The following SPEF2 variants were observed in gnomAD, a reference collection of about 807,000 sequenced individuals.
The protein encoded by SPEF2 is sperm flagella and cilia-associated protein 2.
Under a neutral mutation model 224.6 loss-of-function variants are expected in SPEF2, and 187 were observed. The observed-to-expected ratio is 0.83, with a 90% confidence interval of 0.74 to 0.94. The LOEUF is 0.94. SPEF2 is among the 40% of genes least tolerant of loss of function. SPEF2 has a pLI of 0.00. For missense variants in SPEF2, 2,170 were observed against 2,135.6 expected (o/e 1.02, Z -0.32); for synonymous variants, 715 against 707.3 (o/e 1.01, Z -0.17).
At chr5:35,722,453 A>G (rs796604741) in intron 20 of SPEF2, among the ~76,000 whole-genome samples, 10 of 63,570 alleles carry the variant, frequency 1.6e-4, no homozygotes, top group African/African-American at 4.0e-4. Context: ...CAACAGTGAG[A>G]GGTTTTTTTT....
intron 9 of SPEF2, among the ~76,000 whole-genome samples, chr5:35,667,646 A>G (rs1265542906): frequency 6.6e-6 from 1 of 152,182 alleles, no homozygotes; most frequent in Non-Finnish European, 1.5e-5. Context: ...CATTAAAATT[A>G]AAAATTTTTG....
chr5:35,742,372 T>A (rs2149697178), intron 23 of SPEF2, among the ~76,000 whole-genome samples: 1 of 152,224 alleles, frequency 6.6e-6, no homozygotes, highest in South Asian at 2.1e-4. Context: ...TGCTTATTTT[T>A]AAGGTTTTTA....
At chr5:35,807,604 G>A in intron 36 of SPEF2, 1 of 1,517,378 alleles carries the variant, frequency 6.6e-7, no homozygotes, top group Non-Finnish European at 8.9e-7. Flanking sequence ...CTCCAGCCAA[G>A]TGCTGACATA....
intron 24 of SPEF2, among the ~76,000 whole-genome samples, chr5:35,756,696 G>A (rs748699654): frequency 6.6e-5 from 10 of 152,132 alleles, no homozygotes; most frequent in Non-Finnish European, 1.2e-4. Context: ...AGCGGGTTCC[G>A]TAGACATTAG....
intron 8 of SPEF2, among the ~76,000 whole-genome samples, chr5:35,661,155 A>T (rs139571815): frequency 6.6e-6 from 1 of 150,954 alleles, no homozygotes; most frequent in Non-Finnish European, 1.5e-5. Context: ...TCTTCTTTCC[A>T]GTATCATTCA....
At chr5:35,787,703 G>A (rs773389650) in intron 30 of SPEF2, among the ~76,000 whole-genome samples, 1 of 152,162 alleles carries the variant, frequency 6.6e-6, no homozygotes, top group Non-Finnish European at 1.5e-5. Context: ...TGAGGATTCT[G>A]TGATATAAAC....
chr5:35,637,282 G>A (rs145260358), intron 2 of SPEF2, among the ~76,000 whole-genome samples: 6 of 152,252 alleles, frequency 3.9e-5, no homozygotes, highest in African/African-American at 7.2e-5. Context: ...GTTATGAAAA[G>A]GTTGATTTTT....
At chr5:35,644,031 A>G (rs897016384) in intron 3 of SPEF2, among the ~76,000 whole-genome samples, 1 of 152,146 alleles carries the variant, frequency 6.6e-6, no homozygotes, top group African/African-American at 2.4e-5. Context: ...GTTTAATGAA[A>G]TTATTTTTGC....
At chr5:35,691,790 T>G (rs185224130) in intron 11 of SPEF2, among the ~76,000 whole-genome samples, 2 of 152,270 alleles carry the variant, frequency 1.3e-5, no homozygotes, top group Admixed American at 1.3e-4. Context: ...ATCTTTGTTT[T>G]ATTTTTATTT....
Position 35,670,054 on chromosome 5 carries a change from G to T in SPEF2, c.1356-5G>T. 4 of 1,573,896 alleles carry T rather than the reference G, an allele frequency of 2.5e-6. No homozygotes were observed. Among genetic ancestry groups the T allele is most frequent in the East Asian group, 2.3e-5 (1 of 43,138 alleles). ...ATTCATCTCTACCTTTTTTTTGTGC[G>T]ATAGTCTGATTCCGTATAAGTTGAT... On this transcript the variant is annotated splice_region_variant and splice_polypyrimidine_tract_variant and intron_variant, in intron 9 of 36. Coordinates refer to ENST00000356031, the MANE Select transcript of SPEF2 (RefSeq NM_024867.4).
chr5:35,623,850 T>C (rs1743844922), intron 1 of SPEF2, among the ~76,000 whole-genome samples: 1 of 152,228 alleles, frequency 6.6e-6, no homozygotes, highest in Non-Finnish European at 1.5e-5. Flanking sequence ...ACAATAAAAA[T>C]AATCACTGAG....
At chr5:35,691,345 A>G in intron 11 of SPEF2, 89 bp downstream of exon 11, 1 of 1,006,688 alleles carries the variant, frequency 9.9e-7, no homozygotes, top group Non-Finnish European at 1.5e-6. Flanking sequence ...AAAACATACA[A>G]GAAGCACTGC....
rs111691682 is a variant in SPEF2 at position 35,712,722 on chromosome 5, A to G, written c.2840-90A>G. The G allele has an allele frequency of 4.2e-5, 53 of 1,275,708 alleles. No homozygotes were observed. The African/African-American group carries it at 5.6e-4, about 13-fold the overall frequency. 79.0% of individuals were successfully genotyped at this position (1,275,708 alleles called of 1,614,324 possible). On this transcript the variant is annotated intron_variant, in intron 19 of 36. Transcript: ENST00000356031. ...AGTTCACAAATGTAACTGTTTACCTATGGGAAATAGCATTAGCTTGCTTAC... is the reference window on the plus strand; with the variant it reads ...AGTTCACAAATGTAACTGTTTACCTGTGGGAAATAGCATTAGCTTGCTTAC...
At chr5:35,796,084 G>A (rs1756622110) in intron 33 of SPEF2, among the ~76,000 whole-genome samples, 1 of 152,200 alleles carries the variant, frequency 6.6e-6, no homozygotes, top group African/African-American at 2.4e-5. Context: ...AATAAGCTAA[G>A]TTTTAACACA....
chr5:35,644,321 T>C, intron 3 of SPEF2, 34 bp from the exon 4 acceptor site: 1 of 1,463,720 alleles, frequency 6.8e-7, no homozygotes, highest in Non-Finnish European at 9.1e-7. Flanking sequence ...CTTTATTCTC[T>C]AATAAAATCT....
intron 1 of SPEF2, among the ~76,000 whole-genome samples, chr5:35,620,291 C>A (rs1393230454): frequency 6.6e-6 from 1 of 152,082 alleles, no homozygotes; most frequent in African/African-American, 2.4e-5. Context: ...GTGGGTGCAA[C>A]CTCTGGGGAA....
At chr5:35,667,307 G>A (rs952468715) in intron 9 of SPEF2, 48 bp downstream of exon 9, 7 of 1,455,166 alleles carry the variant, frequency 4.8e-6, no homozygotes, top group Non-Finnish European at 6.6e-6. Context: ...AGAGAATGAG[G>A]AAGGATAAGA....
Position 35,788,910 on chromosome 5 carries a change from G to T in SPEF2, c.4448-3430G>T, listed in dbSNP as rs757807403. The T allele has an allele frequency of 1.1e-5, 8 of 702,810 alleles. No individual in the cohort carries two copies. The Admixed American group carries it at 1.4e-4, about 12-fold the overall frequency. The allele number at this position is 702,810 out of a possible 1,614,324, so 43.5% of individuals were successfully genotyped here. A position where few individuals can be genotyped will look rare whatever the true frequency, so the allele number is the denominator to read the frequency against. On this transcript the variant is annotated intron_variant, in intron 30 of 36. Transcript: ENST00000356031. ...AGTGCTCTGAGAACTGCTTTCAAAG[G>T]CCTTCACCTTCGACCTGTGATGCCT... is the stretch of plus-strand genomic sequence containing the variant.
chr5:35,692,889 A>C (rs774180784), intron 12 of SPEF2, among the ~76,000 whole-genome samples, 165 bp downstream of exon 12: 1 of 152,206 alleles, frequency 6.6e-6, no homozygotes, highest in Non-Finnish European at 1.5e-5. Flanking sequence ...TAAGTTAAAT[A>C]TTTAGGACAA....
Sources: allele counts gnomAD v4.1 joint callset (sites outside exome capture counted in the v4.1 genomes callset), GRCh38; gene constraint gnomAD v4.1.1; transcripts MANE v1.5; gene names NCBI Gene and HGNC (gene_info 2026-07-23, HGNC 2026-07-21).